The following SLC25A45 variants were observed in gnomAD, a reference collection of about 807,000 sequenced individuals.
SLC25A45 encodes the protein methylated amino-acid transporter SLC25A45.
SLC25A45 carries 22 observed loss-of-function variants against 23.0 expected under a neutral mutation model. The ratio of observed to expected loss-of-function variants is 0.95; its 90% CI spans 0.68 to 1.36. SLC25A45 has a LOEUF of 1.36. Ranked by LOEUF, SLC25A45 falls within the 40% of genes most tolerant of loss-of-function variation. The pLI is 0.00. For synonymous variants in SLC25A45, 136 were observed against 155.0 expected (o/e 0.88, Z 0.91); for missense variants, 355 against 383.5 (o/e 0.93, Z 0.62).
chr11:65,380,231 A>G (rs1255801939), intron 2 of SLC25A45, 56 bp from the exon 3 acceptor site: 3 of 1,613,380 alleles, frequency 1.9e-6, no homozygotes, highest in Non-Finnish European at 2.5e-6. Flanking sequence ...CCCAGGAAGC[A>G]AGTCTGTGCC....
intron 5 of SLC25A45, chr11:65,377,570 A>C: frequency 4.6e-6 from 1 of 217,314 alleles, no homozygotes; most frequent in Non-Finnish European, 7.9e-6. Flanking sequence ...GCACAAGGCC[A>C]GCCCCTCCTG....
At position 65,379,433 on chromosome 11, in the gene SLC25A45, G is replaced by A. The variant is rs907418911; in HGVS notation, c.282C>T (p.Ala94=). ...AGATGTGCATGTAGCTGGGCGGCTG[G>A]GCCCGCCGCTCCTGGTGGGAGGTGG... ...LTATSHQERR[A]QPPSYMHIFL... The change falls in exon 5 of 7, where the codon GCC becomes GCT. Residue 94 remains alanine (A), a synonymous_variant. Transcript: ENST00000398802. 5.0e-6 allele frequency: 8 copies of A among 1,613,262 alleles called. No homozygotes were observed. The East Asian group carries it at 8.9e-5, about 18-fold the overall frequency.
At position 65,376,277 on chromosome 11, in the gene SLC25A45, G is replaced by A. The variant is rs966571338; in HGVS notation, c.*130C>T. The A allele has an allele frequency of 8.4e-7, 1 of 1,187,076 alleles. No homozygotes were observed. The allele number at this position is 1,187,076 out of a possible 1,614,324, so 73.5% of individuals were successfully genotyped here. On this transcript the variant is annotated 3_prime_UTR_variant, in exon 7 of 7. Transcript: ENST00000398802. ...GTCTGCCCAGCCCAGATCTGCGCGG[G>A]TGGGAGGCACCTTGGTTAGGAAGGG...
chr11:65,380,694 C>T, intron 2 of SLC25A45: 1 of 917,132 alleles, frequency 1.1e-6, no homozygotes, highest in Non-Finnish European at 1.5e-6. Context: ...CACCTGCCCA[C>T]TGCCTAGCCC....
At chr11:65,379,737 G>A in intron 4 of SLC25A45, 130 bp downstream of exon 4, 1 of 1,326,950 alleles carries the variant, frequency 7.5e-7, no homozygotes, top group South Asian at 1.3e-5. Context: ...TACCACCCAG[G>A]CCCCCCAAGG....
Position 65,376,590 on chromosome 11 carries a change from C to A in SLC25A45, c.684G>T (p.Arg228=). ...TGCGTCTCAGTCCATCCATCTGCAT[C>A]CGGGACTTGATCATGTCTAAGGGCG... ...AATPLDMIKS[R]MQMDGLRRRV... Residue 228 remains arginine (R), a synonymous_variant, in exon 7 of 7, where the codon CGG becomes CGT. Transcript: ENST00000398802. 6.2e-7 allele frequency: 1 copy of A among 1,614,160 alleles called. No individual in the cohort carries two copies. The highest frequency in any genetic ancestry group is 8.5e-7 in the Non-Finnish European group (1 of 1,179,994).
At chr11:65,381,803 C>T in intron 2 of SLC25A45, 112 bp downstream of exon 2, 2 of 1,374,868 alleles carry the variant, frequency 1.5e-6, no homozygotes, top group Non-Finnish European at 2.1e-6. Flanking sequence ...AGTGATCCTC[C>T]CGCCAGGCCG....
chr11:65,377,036 A>G lies in SLC25A45; in HGVS notation c.380T>C (p.Leu127Pro), dbSNP rs773470768. Residue 127 changes from leucine to proline, a missense_variant, in exon 6 of 7, where the codon CTA becomes CCA. By Grantham distance (98) the Leu-to-Pro change is moderately conservative. Coordinates refer to ENST00000398802, the MANE Select transcript of SLC25A45 (RefSeq NM_182556.4). ...GGCCCTTGGCTCTGTCTGGTTTTGT[A>G]GCCGGACTTTGATGAGGTCAAAAGG... The part of the protein sequence containing the change: ...LAPFDLIKVR[L>P]QNQTEPRAQP... 32 of 1,613,868 alleles carry G rather than the reference A, an allele frequency of 2.0e-5. No individual in the cohort carries two copies. The highest frequency in any genetic ancestry group is 2.5e-5 in the Non-Finnish European group (30 of 1,179,938).
chr11:65,379,424 G>C lies in SLC25A45; in HGVS notation c.291C>G (p.Pro97=). 6.2e-7 allele frequency: 1 copy of C among 1,613,086 alleles called. No homozygotes were observed. Among genetic ancestry groups the C allele is most frequent in the Non-Finnish European group, 8.5e-7 (1 of 1,179,970 alleles). ...TSHQERRAQP[P]SYMHIFLAGC... is the part of the protein sequence containing the mutation. Reference sequence around the variant, plus strand: ...CCGCTAGGAAGATGTGCATGTAGCTGGGCGGCTGGGCCCGCCGCTCCTGGT... The same window carrying C: ...CCGCTAGGAAGATGTGCATGTAGCTCGGCGGCTGGGCCCGCCGCTCCTGGT... Residue 97 remains proline (P), a synonymous_variant, in exon 5 of 7, where the codon CCC becomes CCG. Transcript: ENST00000398802.
At chr11:65,377,429 C>A (rs534523868) in intron 5 of SLC25A45, 5 of 1,093,890 alleles carry the variant, frequency 4.6e-6, no homozygotes, top group Non-Finnish European at 5.6e-6. Flanking sequence ...CATACCTGTA[C>A]GGTGGGCAGG....
rs940607199 is a variant in SLC25A45 at position 65,377,277 on chromosome 11, G to A, written c.340-201C>T. On this transcript the variant is annotated intron_variant, in intron 5 of 6. Coordinates refer to ENST00000398802, the MANE Select transcript of SLC25A45 (RefSeq NM_182556.4). ...GCGACCGGGACAGGCCACCTCCCTTGGCATCAGGCCCAAGAGTGAGAGGCA... is the reference window on the plus strand; with the variant it reads ...GCGACCGGGACAGGCCACCTCCCTTAGCATCAGGCCCAAGAGTGAGAGGCA... 5.7e-6 allele frequency: 8 copies of A among 1,415,204 alleles called. No homozygotes were observed. In the African/African-American group the frequency reaches 8.7e-5, roughly 15 times the overall value. 87.7% of individuals were successfully genotyped at this position (1,415,204 alleles called of 1,614,324 possible). A position where few individuals can be genotyped will look rare whatever the true frequency, so the allele number is the denominator to read the frequency against.
rs1048248915 is a variant in SLC25A45, at chr11:65,376,179, T to C, written c.*228A>G. On this transcript the variant is annotated 3_prime_UTR_variant, in exon 7 of 7. Transcript: ENST00000398802. ...CCTCATGCTCCCTGTTTCACAGATG[T>C]GGGAGGCAAAGGAGTCAAGGCCAGC... 14 of 585,454 alleles carry C rather than the reference T, an allele frequency of 2.4e-5. No individual in the cohort carries two copies. The East Asian group carries it at 3.4e-4, about 14-fold the overall frequency. 36.3% of individuals were successfully genotyped at this position (585,454 alleles called of 1,614,324 possible).
chr11:65,381,883 G>A (rs1198441328), intron 2 of SLC25A45, 32 bp downstream of exon 2: 5 of 1,613,722 alleles, frequency 3.1e-6, no homozygotes, highest in Non-Finnish European at 4.2e-6. Flanking sequence ...ACCATTGGGT[G>A]TGATGTGACA....
chr11:65,377,238 C>T (rs1305801881), intron 5 of SLC25A45, 162 bp from the exon 6 acceptor site: 17 of 1,432,888 alleles, frequency 1.2e-5, no homozygotes, highest in Non-Finnish European at 1.5e-5. Flanking sequence ...CTGGGATGGC[C>T]AGGATGTCTG....
Position 65,376,415 on chromosome 11 carries a change from A to C in SLC25A45, c.859T>G (p.Trp287Gly). The change falls in exon 7 of 7, where the codon TGG (tryptophan) becomes GGG (glycine). Residue 287 changes from tryptophan to glycine, a missense_variant. Coordinates refer to ENST00000398802, the MANE Select transcript of SLC25A45 (RefSeq NM_182556.4). Reference sequence around the variant, plus strand: ...TGGCATTGCCGCAGGGCTCATCCCCACCAGCGGAGGAGATATTCGTAGCTG... The same window carrying C: ...TGGCATTGCCGCAGGGCTCATCCCCCCCAGCGGAGGAGATATTCGTAGCTG... ...FLSYEYLLRW[W>G]G 2 of 1,613,256 alleles carry C rather than the reference A, an allele frequency of 1.2e-6. No homozygotes were observed. The highest frequency in any genetic ancestry group is 3.3e-4 in the Middle Eastern group (2 of 6,058).
Position 65,376,988 on chromosome 11 carries a change from C to T in SLC25A45, c.428G>A (p.Arg143Gln), listed in dbSNP as rs765001280. 3.7e-6 allele frequency: 6 copies of T among 1,613,306 alleles called. No homozygotes were observed. The East Asian group carries it at 6.7e-5, about 18-fold the overall frequency. Residue 143 changes from arginine (R) to glutamine (Q), a missense_variant, in exon 6 of 7, where the codon CGG (arginine) becomes CAG (glutamine). By Grantham distance (43) the Arg-to-Gln change is conservative. Coordinates refer to ENST00000398802, the MANE Select transcript of SLC25A45 (RefSeq NM_182556.4). ...PRAQPGSPPP[R>Q]YQGPVHCAAS... ...TGCACAGTGCACGGGCCCCTGGTAC[C>T]GGGGTGGGGGGCTCCCTGGCTGGGC...
chr11:65,379,229 G>GC (rs1218890359), intron 5 of SLC25A45, 147 bp downstream of exon 5: 4 of 884,276 alleles, frequency 4.5e-6, no homozygotes, highest in Non-Finnish European at 6.8e-6. Flanking sequence ...GAGGCCTGCA[G>GC]CCTGGAAGGC....
At chr11:65,379,009 G>A in intron 5 of SLC25A45, 1 of 280,124 alleles carries the variant, frequency 3.6e-6, no homozygotes, top group Non-Finnish European at 6.9e-6. Context: ...TGGGCTCACA[G>A]CTCTGCGGGG....
At chr11:65,380,265 G>A (rs1006842264) in intron 2 of SLC25A45, 90 bp from the exon 3 acceptor site, 3 of 1,589,344 alleles carry the variant, frequency 1.9e-6, no homozygotes, top group Non-Finnish European at 2.6e-6. Flanking sequence ...GGTTCAGGCA[G>A]GAGGAAGGAG....
Sources: allele counts gnomAD v4.1 joint callset, GRCh38; gene constraint gnomAD v4.1.1; transcripts MANE v1.5; gene names NCBI Gene and HGNC (gene_info 2026-07-23, HGNC 2026-07-21).